Variants in TNR observed in about 807,000 individuals in gnomAD.
The protein encoded by TNR is tenascin R, also known as tenascin-R.
In TNR, 45 loss-of-function variants were observed where a neutral mutation model predicts 150.4. The ratio of observed to expected loss-of-function variants is 0.30; its 90% CI spans 0.24 to 0.38. The LOEUF (loss-of-function observed/expected upper bound fraction) is 0.38. Ranked by LOEUF, TNR falls within the 10% of genes least tolerant of loss-of-function variation. TNR has a pLI of 1.00. For missense variants in TNR, 1,544 were observed against 1,759.1 expected (o/e 0.88, Z 2.19); for synonymous variants, 687 against 678.4 (o/e 1.01, Z -0.20).
At chr1:175,606,748 C>T (rs1458789737) in intron 1 of TNR, among the ~76,000 whole-genome samples, 1 of 152,150 alleles carries the variant, frequency 6.6e-6, no homozygotes, top group Non-Finnish European at 1.5e-5. Context: ...TGAGGATAGC[C>T]CTCGACCACT....
At chr1:175,657,883 A>ATATATATGTGTG (rs1464419575) in intron 1 of TNR, among the ~76,000 whole-genome samples, 22 of 101,140 alleles carry the variant, frequency 2.2e-4, no homozygotes, top group East Asian at 4.8e-4. Flanking sequence ...ATATATATAT[A>ATATATATGTGTG]TGTAACAAAC....
chr1:175,717,461 G>T (rs1024333305), intron 1 of TNR, among the ~76,000 whole-genome samples: 5 of 152,192 alleles, frequency 3.3e-5, no homozygotes, highest in Admixed American at 3.3e-4. Flanking sequence ...CACTTTTAAA[G>T]TGTTCATCAT....
At chr1:175,434,164 G>A (rs1655394404) in intron 2 of TNR, among the ~76,000 whole-genome samples, 1 of 152,162 alleles carries the variant, frequency 6.6e-6, no homozygotes, top group African/African-American at 2.4e-5. Flanking sequence ...TCCTAGGAAG[G>A]TTCTGACAGC....
chr1:175,529,705 C>T (rs1325313554), intron 1 of TNR, among the ~76,000 whole-genome samples: 1 of 152,184 alleles, frequency 6.6e-6, no homozygotes, highest in African/African-American at 2.4e-5. Context: ...GGGCAGATAG[C>T]TCTGAGACTA....
chr1:175,461,146 C>A (rs1656800116), intron 2 of TNR, among the ~76,000 whole-genome samples: 1 of 152,186 alleles, frequency 6.6e-6, no homozygotes, highest in South Asian at 2.1e-4. Flanking sequence ...ATGGGTGAAA[C>A]AACCTGGAAA....
intron 2 of TNR, among the ~76,000 whole-genome samples, chr1:175,432,027 A>G (rs1428189989): frequency 6.7e-6 from 1 of 149,822 alleles, no homozygotes; most frequent in Non-Finnish European, 1.5e-5. Flanking sequence ...GGCAAGATAT[A>G]AGAAGGCATC....
chr1:175,387,123 G>C (rs1407308607), intron 7 of TNR, among the ~76,000 whole-genome samples: 2 of 152,212 alleles, frequency 1.3e-5, no homozygotes, highest in African/African-American at 2.4e-5. Context: ...TGTGGCTCCA[G>C]CACCCACTTG....
chr1:175,455,294 T>C (rs1656521232), intron 2 of TNR, among the ~76,000 whole-genome samples: 1 of 121,092 alleles, frequency 8.3e-6, no homozygotes, highest in Non-Finnish European at 2.1e-5. Flanking sequence ...ATGGCTGTTA[T>C]TTTATACCAC....
chr1:175,441,942 T>C (rs764906383), intron 2 of TNR, among the ~76,000 whole-genome samples: 19 of 152,208 alleles, frequency 1.2e-4, no homozygotes, highest in Non-Finnish European at 2.6e-4. Context: ...AATGAAAAGT[T>C]ATGTAGAAGC....
intron 1 of TNR, among the ~76,000 whole-genome samples, chr1:175,622,131 A>G (rs1434992388): frequency 2.6e-5 from 4 of 152,370 alleles, no homozygotes; most frequent in East Asian, 1.9e-4. Flanking sequence ...ACATTTCTGT[A>G]TCTTACATAT....
At chr1:175,399,634 G>C (rs1001784611) in intron 4 of TNR, among the ~76,000 whole-genome samples, 1 of 152,078 alleles carries the variant, frequency 6.6e-6, no homozygotes, top group African/African-American at 2.4e-5. Context: ...AAATTATATT[G>C]AACTGTACTG....
chr1:175,657,105 G>T (rs921906450), intron 1 of TNR, among the ~76,000 whole-genome samples: 2 of 152,162 alleles, frequency 1.3e-5, no homozygotes, highest in African/African-American at 4.8e-5. Context: ...GTCCTTTAGG[G>T]CTGGTGGTTC....
At position 175,385,976 on chromosome 1, in the gene TNR, G is replaced by C. The variant is rs138725581; in HGVS notation, c.1777+56C>G. On this transcript the variant is annotated intron_variant, in intron 8 of 22. Transcript: ENST00000367674. Reference sequence around the variant, plus strand: ...CTCCTCTTGCTGTGATGACACCACCGGTTGGCTCCACCCCTCTTTCCCTCC... The same window carrying C: ...CTCCTCTTGCTGTGATGACACCACCCGTTGGCTCCACCCCTCTTTCCCTCC... 1,894 of 1,511,114 alleles carry C rather than the reference G, an allele frequency of 1.3e-3. 6 individuals are homozygous for C. Among genetic ancestry groups the C allele is most frequent in the Middle Eastern group, 1.8e-3 (10 of 5,554 alleles). 93.6% of individuals were successfully genotyped at this position (1,511,114 alleles called of 1,614,324 possible).
chr1:175,486,721 C>A (rs897783207), intron 2 of TNR, among the ~76,000 whole-genome samples: 1 of 152,208 alleles, frequency 6.6e-6, no homozygotes, highest in Admixed American at 6.5e-5. Context: ...AATGGTTGAA[C>A]TAATTTACAC....
intron 1 of TNR, among the ~76,000 whole-genome samples, chr1:175,717,487 G>A (rs879341088): frequency 2.0e-5 from 3 of 152,196 alleles, no homozygotes; most frequent in East Asian, 1.9e-4. Context: ...GTCTAACAGC[G>A]ATTTTTGCCC....
At chr1:175,559,026 AC>A (rs1352389063) in intron 1 of TNR, among the ~76,000 whole-genome samples, 7 of 152,246 alleles carry the variant, frequency 4.6e-5, no homozygotes, top group African/African-American at 1.7e-4. Context: ...GGGTAGGGAC[AC>A]ATGGGAAGTG....
intron 1 of TNR, among the ~76,000 whole-genome samples, chr1:175,634,561 T>A (rs1393404492): frequency 1.3e-5 from 2 of 151,978 alleles, no homozygotes; most frequent in Non-Finnish European, 2.9e-5. Flanking sequence ...GTCAGTAGAG[T>A]GAAAATGTGG....
chr1:175,512,344 T>C (rs1659216925), intron 2 of TNR, among the ~76,000 whole-genome samples: 1 of 152,260 alleles, frequency 6.6e-6, no homozygotes, highest in African/African-American at 2.4e-5. Context: ...TTTAAAAATC[T>C]TTATCAGACA....
At chr1:175,482,373 T>A (rs898497826) in intron 2 of TNR, among the ~76,000 whole-genome samples, 2 of 152,208 alleles carry the variant, frequency 1.3e-5, no homozygotes, top group African/African-American at 4.8e-5. Flanking sequence ...ATAAAACTTT[T>A]CTTGCTGAAC....
Sources: gnomAD v4.1 joint callset for allele counts (sites outside exome capture counted in the v4.1 genomes callset) on GRCh38, gnomAD v4.1.1 for gene constraint, MANE v1.5 for transcripts, NCBI Gene and HGNC (gene_info 2026-07-23, HGNC 2026-07-21) for gene names.